ABLIM2: variants seen among roughly 807,000 people sequenced by gnomAD.
ABLIM2 encodes the protein actin-binding LIM protein 2.
Under a neutral mutation model 97.7 loss-of-function variants are expected in ABLIM2, and 53 were observed. The ratio of observed to expected loss-of-function variants is 0.54; its 90% CI spans 0.44 to 0.68. The LOEUF (loss-of-function observed/expected upper bound fraction) is 0.68, where lower values mean the gene tolerates loss of function less well. Ranked by LOEUF, ABLIM2 falls within the 30% of genes least tolerant of loss-of-function variation. ABLIM2 has a pLI of 0.00. For synonymous variants in ABLIM2, 361 were observed against 345.8 expected (o/e 1.04, Z -0.49); for missense variants, 835 against 867.2 (o/e 0.96, Z 0.47).
At chr4:8,080,361 G>A (rs770748435) in intron 5 of ABLIM2, among the ~76,000 whole-genome samples, 6 of 152,206 alleles carry the variant, frequency 3.9e-5, no homozygotes, top group African/African-American at 7.2e-5. Context: ...GGACTGCGAC[G>A]GGGAGGGAAG....
chr4:8,065,882 C>T (rs1249886238), intron 6 of ABLIM2, among the ~76,000 whole-genome samples: 1 of 150,106 alleles, frequency 6.7e-6, no homozygotes, highest in African/African-American at 2.5e-5. Context: ...TGAGATCGCG[C>T]CACTGTACTC....
intron 8 of ABLIM2, among the ~76,000 whole-genome samples, chr4:8,048,958 G>A (rs1794298654): frequency 6.6e-6 from 1 of 152,146 alleles, no homozygotes; most frequent in Admixed American, 6.5e-5. Context: ...CCAAGGTCCT[G>A]AAACCCACAT....
intron 1 of ABLIM2, among the ~76,000 whole-genome samples, chr4:8,131,637 C>G (rs1043496777): frequency 6.7e-6 from 1 of 149,016 alleles, no homozygotes; most frequent in Admixed American, 6.6e-5. Context: ...TCCCTGAGCA[C>G]AGCAGCCCGC....
intron 20 of ABLIM2, among the ~76,000 whole-genome samples, chr4:7,976,560 A>C (rs1733249102): frequency 6.6e-6 from 1 of 152,156 alleles, no homozygotes; most frequent in Non-Finnish European, 1.5e-5. Flanking sequence ...GCTTTCGTAT[A>C]CTTCCTCCAG....
At chr4:8,136,446 A>C (rs1006403368) in intron 1 of ABLIM2, among the ~76,000 whole-genome samples, 6 of 152,246 alleles carry the variant, frequency 3.9e-5, no homozygotes, top group Non-Finnish European at 7.3e-5. Flanking sequence ...TAATGTATAC[A>C]TAGTACCACT....
Position 8,054,267 on chromosome 4 carries a change from G to A in ABLIM2, c.764-21C>T, listed in dbSNP as rs1337990352. ...GGAACCTGTTGACAAATTCCCAAGA[G>A]GGAAATGATTAGAGTTATTTCCCAT... On this transcript the variant is annotated intron_variant, in intron 7 of 20. Coordinates refer to ENST00000447017, the MANE Select transcript of ABLIM2 (RefSeq NM_001130083.2). The surrounding 1 kb of genome is among the most constrained non-coding windows in gnomAD (Gnocchi z 4.9). The A allele has an allele frequency of 1.9e-6, 3 of 1,613,690 alleles. No individual in the cohort carries two copies. The highest frequency in any genetic ancestry group is 3.3e-5 in the Admixed American group (2 of 60,012).
rs1781476948 is a variant in ABLIM2 at position 8,032,320 on chromosome 4, G to A, written c.1048-2544C>T. Among the ~76,000 whole-genome samples the A allele has an allele frequency of 6.6e-6, 1 of 152,198 alleles. No individual in the cohort carries two copies. The highest frequency in any genetic ancestry group is 1.5e-5 in the Non-Finnish European group (1 of 68,032). The stretch of plus-strand genomic sequence containing the variant: ...AACCCACGTGGAGGGGCAGGAGGCA[G>A]GAAGCGCTCCCAGGCTCAGCCAGGA... On this transcript the variant is annotated intron_variant, in intron 10 of 20. Coordinates refer to ENST00000447017, the MANE Select transcript of ABLIM2 (RefSeq NM_001130083.2). The surrounding 1 kb of genome is among the most constrained non-coding windows in gnomAD (Gnocchi z 4.3).
intron 1 of ABLIM2, among the ~76,000 whole-genome samples, chr4:8,108,996 T>G (rs995169249): frequency 3.3e-5 from 5 of 152,070 alleles, no homozygotes; most frequent in African/African-American, 9.7e-5. Flanking sequence ...GTGGCAGGTG[T>G]GTTGTTGAGC....
At chr4:8,146,665 G>T (rs1275829435) in intron 1 of ABLIM2, among the ~76,000 whole-genome samples, 2 of 152,132 alleles carry the variant, frequency 1.3e-5, no homozygotes, top group Non-Finnish European at 2.9e-5. Flanking sequence ...TCAGCCTCCA[G>T]AGTAGCTGGG....
At chr4:8,109,265 C>T (rs1374283326) in intron 1 of ABLIM2, among the ~76,000 whole-genome samples, 1 of 152,240 alleles carries the variant, frequency 6.6e-6, no homozygotes, top group Non-Finnish European at 1.5e-5. Context: ...GGTGATGGGG[C>T]ATGGCCCACC....
In ABLIM2 at chr4:8,123,867, T is replaced by A. The variant is rs1561563922; in HGVS notation, c.11-17230A>T. Among the ~76,000 whole-genome samples, 1 of 152,278 alleles carries A rather than the reference T, an allele frequency of 6.6e-6. No homozygotes were observed. Among genetic ancestry groups the A allele is most frequent in the East Asian group, 1.9e-4 (1 of 5,184 alleles). On this transcript the variant is annotated intron_variant, in intron 1 of 20. Coordinates refer to ENST00000447017, the MANE Select transcript of ABLIM2 (RefSeq NM_001130083.2). The surrounding 1 kb of genome is among the most constrained non-coding windows in gnomAD (Gnocchi z 6.2). ...CACGGGGTGGGAGCCCTGCCTGGGATCCTTGCTAACCTCTGGAGACACGGT... is the reference window on the plus strand; with the variant it reads ...CACGGGGTGGGAGCCCTGCCTGGGAACCTTGCTAACCTCTGGAGACACGGT...
chr4:8,108,866 C>T (rs977065800), intron 1 of ABLIM2, among the ~76,000 whole-genome samples: 9 of 152,244 alleles, frequency 5.9e-5, no homozygotes, highest in African/African-American at 2.2e-4. Flanking sequence ...AACGCCAGCT[C>T]CCCCTGTCTT....
intron 20 of ABLIM2, among the ~76,000 whole-genome samples, chr4:7,971,351 G>A (rs543243881): frequency 6.8e-4 from 103 of 152,266 alleles, no homozygotes; most frequent in African/African-American, 2.0e-3. Context: ...CCCAGGGCCC[G>A]CGCAGGACAA....
Position 8,045,249 on chromosome 4 carries a change from A to C in ABLIM2, c.823-8T>G. 1 of 1,612,696 alleles carries C rather than the reference A, an allele frequency of 6.2e-7. No homozygotes were observed. Among genetic ancestry groups the C allele is most frequent in the Non-Finnish European group, 8.5e-7 (1 of 1,178,636 alleles). Reference sequence around the variant, plus strand: ...TGAGGAAGTTCTGGTTTCCTGAGAAAGGAGAGAGGAAGAGATTGAAGGCAG... The same window carrying C: ...TGAGGAAGTTCTGGTTTCCTGAGAACGGAGAGAGGAAGAGATTGAAGGCAG... On this transcript the variant is annotated splice_polypyrimidine_tract_variant and splice_region_variant and intron_variant, in intron 8 of 20. Coordinates refer to ENST00000447017, the MANE Select transcript of ABLIM2 (RefSeq NM_001130083.2).
Position 8,092,977 on chromosome 4 carries a change from T to C in ABLIM2, c.338+4122A>G, listed in dbSNP as rs1305826211. ...GATTCTCCTGCCTCGGCCTTCCAAGTAGCTGGGATTACAGGCGCCCACCAC... is the reference window on the plus strand; with the variant it reads ...GATTCTCCTGCCTCGGCCTTCCAAGCAGCTGGGATTACAGGCGCCCACCAC... On this transcript the variant is annotated intron_variant, in intron 3 of 20. Coordinates refer to ENST00000447017, the MANE Select transcript of ABLIM2 (RefSeq NM_001130083.2). Among the ~76,000 whole-genome samples the C allele has an allele frequency of 3.9e-5, 6 of 152,208 alleles. No individual in the cohort carries two copies. The Middle Eastern group carries it at 0.017, about 431-fold the overall frequency.
intron 20 of ABLIM2, among the ~76,000 whole-genome samples, chr4:7,982,421 C>CG (rs1192520098): frequency 1.3e-5 from 2 of 152,214 alleles, no homozygotes; most frequent in African/African-American, 4.8e-5. Context: ...ATGAAACCCC[C>CG]GGGCTGGATG....
chr4:8,059,214 G>A (rs1380399176), intron 7 of ABLIM2, among the ~76,000 whole-genome samples: 1 of 152,052 alleles, frequency 6.6e-6, no homozygotes, highest in Non-Finnish European at 1.5e-5. Flanking sequence ...GAGTGATGGG[G>A]CTCAGAACAT....
intron 8 of ABLIM2, among the ~76,000 whole-genome samples, chr4:8,047,633 C>T (rs1793414538): frequency 6.6e-6 from 1 of 152,274 alleles, no homozygotes; most frequent in African/African-American, 2.4e-5. Flanking sequence ...GCTGTTCCCA[C>T]TGTTCCTGGG....
chr4:8,060,381 C>G (rs4696743), intron 7 of ABLIM2, among the ~76,000 whole-genome samples: 109,795 of 152,096 alleles, frequency 0.72, 40,294 homozygotes, highest in East Asian at 0.99. Flanking sequence ...GGGGCCTGGG[C>G]CATTTCCCAT....
Sources: allele counts gnomAD v4.1 joint callset (sites outside exome capture counted in the v4.1 genomes callset), GRCh38; gene constraint gnomAD v4.1.1; non-coding constraint Gnocchi (gnomAD v3.1); transcripts MANE v1.5; gene names NCBI Gene and HGNC (gene_info 2026-07-23, HGNC 2026-07-21).